CDKN3: variants seen among roughly 807,000 people sequenced by gnomAD.
CDKN3 encodes the protein cyclin dependent kinase inhibitor 3.
A neutral mutation model predicts 36.1 loss-of-function variants in CDKN3; 19 were observed. The observed-to-expected ratio is 0.53, with a 90% confidence interval of 0.37 to 0.77. The LOEUF is 0.77. Ranked by LOEUF, CDKN3 falls within the 30% of genes least tolerant of loss-of-function variation. CDKN3 has a pLI of 0.00. For missense variants in CDKN3, 188 were observed against 248.6 expected, an observed-to-expected ratio of 0.76 and a Z score of 1.64; for synonymous variants, 71 against 85.3, an observed-to-expected ratio of 0.83 and a Z score of 0.92.
At chr14:54,405,434 G>T (rs1334274109) in intron 3 of CDKN3, among the ~76,000 whole-genome samples, 1 of 152,176 alleles carries the variant, frequency 6.6e-6, no homozygotes, top group Admixed American at 6.5e-5. Flanking sequence ...AATATTGACA[G>T]TGGGGTGTTA....
chr14:54,413,524 G>A (rs2030430382), intron 5 of CDKN3: 1 of 968,204 alleles, frequency 1.0e-6, no homozygotes, highest in Non-Finnish European at 1.6e-6. Context: ...ATAGACAGTA[G>A]ATGGGTGACT....
intron 3 of CDKN3, among the ~76,000 whole-genome samples, chr14:54,405,601 CT>C (rs1477512506): frequency 2.0e-5 from 3 of 152,132 alleles, no homozygotes; most frequent in Non-Finnish European, 2.9e-5. Context: ...TAATCCCCTT[CT>C]TTTTCTTTTT....
At chr14:54,413,491 T>A (rs939426111) in intron 5 of CDKN3, 1 of 746,186 alleles carries the variant, frequency 1.3e-6, no homozygotes, top group East Asian at 2.7e-5. Context: ...AATGCTCTGA[T>A]GTTTGTGCAG....
At chr14:54,417,979 T>C in intron 7 of CDKN3, 28 bp downstream of exon 7, 1 of 1,337,548 alleles carries the variant, frequency 7.5e-7, no homozygotes, top group Non-Finnish European at 1.1e-6. Context: ...GCTTGCTTGG[T>C]TGTGGTTGGG....
intron 3 of CDKN3, among the ~76,000 whole-genome samples, chr14:54,404,194 A>G (rs2030064117): frequency 1.3e-5 from 2 of 152,122 alleles, no homozygotes; most frequent in African/African-American, 4.8e-5. Flanking sequence ...TAGGCTATTA[A>G]TTACTGCCTC....
chr14:54,410,193 T>C (rs950040221), intron 4 of CDKN3, among the ~76,000 whole-genome samples: 26 of 152,176 alleles, frequency 1.7e-4, no homozygotes, highest in African/African-American at 6.3e-4. Flanking sequence ...ATCCAGTACA[T>C]AAAACAGGTC....
At chr14:54,397,320 C>A (rs1252693999) in intron 1 of CDKN3, among the ~76,000 whole-genome samples, 1 of 152,274 alleles carries the variant, frequency 6.6e-6, no homozygotes, top group Non-Finnish European at 1.5e-5. Context: ...TGGGCTGTCA[C>A]CTGTCCCCTG....
At chr14:54,409,781 T>C (rs1007967818) in intron 4 of CDKN3, among the ~76,000 whole-genome samples, 1 of 151,634 alleles carries the variant, frequency 6.6e-6, no homozygotes, top group Non-Finnish European at 1.5e-5. Flanking sequence ...TGCAGTGAGC[T>C]GAGATGGTGC....
At chr14:54,411,322 C>A (rs2030345113) in intron 4 of CDKN3, 162 bp from the exon 5 acceptor site, 2 of 585,056 alleles carry the variant, frequency 3.4e-6, no homozygotes, top group Non-Finnish European at 6.0e-6. Context: ...AATTCTAGAC[C>A]CCTTTTGATT....
intron 3 of CDKN3, among the ~76,000 whole-genome samples, chr14:54,406,093 A>G (rs1449129231): frequency 6.6e-6 from 1 of 152,208 alleles, no homozygotes; most frequent in East Asian, 1.9e-4. Flanking sequence ...TCCTTCACTT[A>G]GGAAGCTTAG....
At chr14:54,417,606 AATGG>A (rs1446325142) in intron 6 of CDKN3, among the ~76,000 whole-genome samples, 13 of 152,174 alleles carry the variant, frequency 8.5e-5, no homozygotes, top group Admixed American at 7.2e-4. Context: ...TAAATCACTG[AATGG>A]ATGAACACTT....
intron 1 of CDKN3, among the ~76,000 whole-genome samples, chr14:54,397,868 C>T (rs888369275): frequency 6.6e-6 from 1 of 152,188 alleles, no homozygotes; most frequent in Non-Finnish European, 1.5e-5. Context: ...TGGTGTCTCG[C>T]GCCTGTAATC....
In CDKN3 at chr14:54,399,988, T is replaced by A. The variant is rs1447505868; in HGVS notation, c.92+12T>A. The A allele has an allele frequency of 8.0e-7, 1 of 1,243,148 alleles. No individual in the cohort carries two copies. The highest frequency in any genetic ancestry group is 1.2e-6 in the Non-Finnish European group (1 of 842,974). The allele number at this position is 1,243,148 out of a possible 1,614,324, so 77.0% of individuals were successfully genotyped here. ...ATTCATATATCATGGTATGTTAGCA[T>A]TTCTGATCAATGATGAGCTAAAATC... On this transcript the variant is annotated intron_variant, in intron 2 of 7. Coordinates refer to ENST00000335183, the MANE Select transcript of CDKN3 (RefSeq NM_005192.4).
intron 6 of CDKN3, among the ~76,000 whole-genome samples, chr14:54,416,765 A>G (rs2030567494): frequency 1.3e-5 from 2 of 152,186 alleles, no homozygotes; most frequent in Non-Finnish European, 2.9e-5. Flanking sequence ...CAGTGAACCG[A>G]GTTTACACCA....
chr14:54,404,876 G>A (rs1290574799), intron 3 of CDKN3, among the ~76,000 whole-genome samples: 3 of 152,076 alleles, frequency 2.0e-5, no homozygotes, highest in East Asian at 1.9e-4. Flanking sequence ...CACCGCACCC[G>A]GCTTGATCTT....
intron 2 of CDKN3, among the ~76,000 whole-genome samples, chr14:54,400,333 A>T (rs555065296): frequency 1.3e-5 from 2 of 151,838 alleles, no homozygotes; most frequent in African/African-American, 4.8e-5. Context: ...CCCATTTAGT[A>T]TCAAAATCTA....
intron 1 of CDKN3, 124 bp from the exon 2 acceptor site, chr14:54,399,770 T>C (rs1886421376): frequency 4.5e-6 from 3 of 672,984 alleles, no homozygotes; most frequent in South Asian, 3.3e-5. Flanking sequence ...ATCTCGTTAA[T>C]ATTCTGGATT....
intron 5 of CDKN3, chr14:54,414,199 C>T (rs1020637581): frequency 2.6e-5 from 4 of 153,504 alleles, no homozygotes; most frequent in African/African-American, 9.7e-5. Flanking sequence ...GAATAAGGTC[C>T]CACTCACAGG....
At chr14:54,407,440 C>T (rs1215347082) in intron 3 of CDKN3, among the ~76,000 whole-genome samples, 2 of 152,196 alleles carry the variant, frequency 1.3e-5, no homozygotes, top group Non-Finnish European at 2.9e-5. Flanking sequence ...TGAAGCTGTG[C>T]CCACAGCCAT....
Sources: allele counts gnomAD v4.1 joint callset (sites outside exome capture counted in the v4.1 genomes callset), GRCh38; gene constraint gnomAD v4.1.1; transcripts MANE v1.5; gene names NCBI Gene and HGNC (gene_info 2026-07-23, HGNC 2026-07-21).